CNKSR2: variants seen among roughly 807,000 people sequenced by gnomAD.
CNKSR2 encodes connector enhancer of kinase suppressor of Ras 2, also known as CNK homolog protein 2.
Under a neutral mutation model 84.4 loss-of-function variants are expected in CNKSR2, and 14 were observed. The observed-to-expected ratio is 0.17, with a 90% CI of 0.11 to 0.26. The LOEUF is 0.26. Among genes scored for constraint, CNKSR2 ranks in the 10% least tolerant of loss-of-function variants. CNKSR2 has a pLI of 1.00. For synonymous variants in CNKSR2, 275 were observed against 277.9 expected (o/e 0.99, Z 0.10); for missense variants, 485 against 771.2 (o/e 0.63, Z 4.40).
intron 13 of CNKSR2, among the ~76,000 whole-genome samples, chrX:21,578,775 A>T: frequency 8.9e-6 from 1 of 111,781 alleles, no homozygotes; most frequent in Admixed American, 9.5e-5. Flanking sequence ...ACAACCAGGG[A>T]ACTAGAATCT....
chrX:21,438,999 T>C (rs1390169462), intron 3 of CNKSR2, among the ~76,000 whole-genome samples: 1 of 111,527 alleles, frequency 9.0e-6, no homozygotes, highest in Non-Finnish European at 1.9e-5. Flanking sequence ...AGTTGTAGAC[T>C]TCATTTCCTC....
At chrX:21,527,142 C>T in intron 10 of CNKSR2, 142 bp downstream of exon 10, 1 of 417,305 alleles carries the variant, frequency 2.4e-6, no homozygotes. Context: ...CAAAATCATT[C>T]CCATTATAGA....
intron 1 of CNKSR2, chrX:21,425,648 A>G (rs765796470): frequency 8.9e-6 from 1 of 111,764 alleles, no homozygotes; most frequent in African/African-American, 3.2e-5. Flanking sequence ...AGTTTCAGCT[A>G]ATTGCCTTAT....
At chrX:21,625,922 T>A (rs766670268) in intron 20 of CNKSR2, among the ~76,000 whole-genome samples, 1 of 112,047 alleles carries the variant, frequency 8.9e-6, no homozygotes, top group South Asian at 3.7e-4. Flanking sequence ...TTTGGGCAAT[T>A]TAATTAATTC....
At chrX:21,388,198 C>G (rs1287527731) in intron 1 of CNKSR2, among the ~76,000 whole-genome samples, 1 of 111,906 alleles carries the variant, frequency 8.9e-6, no homozygotes, top group African/African-American at 3.2e-5. Flanking sequence ...CGCGCCAGGC[C>G]TATTTTTCCC....
chrX:21,629,256 G>A (rs777696189), intron 20 of CNKSR2, among the ~76,000 whole-genome samples: 4 of 111,995 alleles, frequency 3.6e-5, no homozygotes, highest in African/African-American at 1.3e-4. Flanking sequence ...CAAGTCTCTA[G>A]GGAGTGTCAA....
intron 11 of CNKSR2, among the ~76,000 whole-genome samples, chrX:21,561,056 G>C (rs2092184000): frequency 1.8e-5 from 2 of 109,798 alleles, no homozygotes; most frequent in Admixed American, 2.0e-4. Flanking sequence ...TTAATGTCTG[G>C]TAGTCAGGTT....
rs1403861789 is a variant in CNKSR2, at chrX:21,511,692, T to G, written c.811-4793T>G. ...CACAGTGTTTGAAGGAAACGTATAT[T>G]CATTACTCAACCAACTCTTTTAATT... is the stretch of plus-strand genomic sequence containing the variant. On this transcript the variant is annotated intron_variant, in intron 8 of 21. Transcript: ENST00000379510. 2.7e-5 allele frequency among the ~76,000 whole-genome samples: 3 copies of G among 111,554 alleles called. No homozygotes were observed. The East Asian group carries it at 8.5e-4, about 32-fold the overall frequency.
intron 11 of CNKSR2, among the ~76,000 whole-genome samples, chrX:21,559,671 C>T (rs754619410): frequency 3.6e-5 from 4 of 110,962 alleles, no homozygotes; most frequent in Non-Finnish European, 3.8e-5. Context: ...ACTGTATTGT[C>T]GCCATGTGAG....
intron 13 of CNKSR2, among the ~76,000 whole-genome samples, chrX:21,579,605 T>A (rs1286240087): frequency 8.9e-6 from 1 of 112,497 alleles, no homozygotes; most frequent in South Asian, 3.7e-4. Flanking sequence ...AACAGCCATA[T>A]GAAATACACT....
chrX:21,496,784 A>G (rs2091504468), intron 6 of CNKSR2, among the ~76,000 whole-genome samples: 1 of 111,259 alleles, frequency 9.0e-6, no homozygotes, highest in South Asian at 3.7e-4. Context: ...TATTAAATCT[A>G]TATTTCAGAT....
At chrX:21,490,422 GTATTTACCACAAC>G (rs1389218722) in intron 5 of CNKSR2, 24 bp from the exon 6 acceptor site, 2 of 1,168,494 alleles carry the variant, frequency 1.7e-6, no homozygotes, top group African/African-American at 1.8e-5. Flanking sequence ...CTTACAACAC[GTATTTACCACAAC>G]TATTTTTGTT....
intron 18 of CNKSR2, among the ~76,000 whole-genome samples, chrX:21,603,546 CTCTT>C (rs2092496691): frequency 8.9e-6 from 1 of 112,540 alleles, no homozygotes; most frequent in African/African-American, 3.2e-5. Context: ...TTAGAAGTGA[CTCTT>C]TCATTGACTT....
At chrX:21,597,502 T>TA (rs1268763976) in intron 17 of CNKSR2, among the ~76,000 whole-genome samples, 3 of 112,243 alleles carry the variant, frequency 2.7e-5, no homozygotes, top group Non-Finnish European at 5.6e-5. Context: ...AATTTTATTT[T>TA]AATTTAATTA....
rs1201124236 is a variant in CNKSR2, at chrX:21,618,939, AGAGT to A, written c.2692+9323_2692+9326del. On this transcript the variant is annotated intron_variant, in intron 20 of 21. Transcript: ENST00000379510. ...TTCTTTCTGATAACATGAAACACAGAGAGTAATTCCAAATATGCAACATCTTTGT... is the reference window on the plus strand; with the variant it reads ...TTCTTTCTGATAACATGAAACACAGAAATTCCAAATATGCAACATCTTTGT... Among the ~76,000 whole-genome samples the A allele has an allele frequency of 2.7e-5, 3 of 112,142 alleles. No individual in the cohort carries two copies. In the Admixed American group the frequency reaches 2.8e-4, roughly 11 times the overall value.
At chrX:21,414,762 C>T (rs188873485) in intron 1 of CNKSR2, among the ~76,000 whole-genome samples, 143 of 111,775 alleles carry the variant, frequency 1.3e-3, no homozygotes, top group African/African-American at 4.5e-3. Flanking sequence ...TTTCTTTCTT[C>T]TGCCCATGGA....
At chrX:21,595,731 G>A (rs780669270) in intron 17 of CNKSR2, among the ~76,000 whole-genome samples, 20 of 111,286 alleles carry the variant, frequency 1.8e-4, no homozygotes, top group South Asian at 3.8e-4. Flanking sequence ...CCAAAAAATC[G>A]GACTTTTTGA....
chrX:21,403,776 A>G (rs1372714582), intron 1 of CNKSR2, among the ~76,000 whole-genome samples: 2 of 111,800 alleles, frequency 1.8e-5, no homozygotes, highest in African/African-American at 6.5e-5. Flanking sequence ...TGGTCTTACT[A>G]TTAATAAGTA....
At chrX:21,615,787 A>T (rs1447307696) in intron 20 of CNKSR2, among the ~76,000 whole-genome samples, 1 of 111,895 alleles carries the variant, frequency 8.9e-6, no homozygotes, top group African/African-American at 3.2e-5. Context: ...AATGTTTACT[A>T]CATGTCCTAT....
Sources: allele counts gnomAD v4.1 joint callset (sites outside exome capture counted in the v4.1 genomes callset), GRCh38; gene constraint gnomAD v4.1.1; transcripts MANE v1.5; gene names NCBI Gene and HGNC (gene_info 2026-07-23, HGNC 2026-07-21).